The following LAMC2 variants were observed in gnomAD, a reference collection of about 807,000 sequenced individuals.
LAMC2 encodes laminin subunit gamma 2.
LAMC2 carries 97 observed loss-of-function variants against 140.2 expected under a neutral mutation model. The observed-to-expected ratio is 0.69, with a 90% confidence interval of 0.59 to 0.82. The LOEUF (loss-of-function observed/expected upper bound fraction) is 0.82, where lower values mean the gene tolerates loss of function less well. LAMC2 is among the 40% of genes least tolerant of loss of function. LAMC2 has a pLI of 0.00. For synonymous variants in LAMC2, 513 were observed against 540.2 expected (o/e 0.95, Z 0.70); for missense variants, 1,402 against 1,476.1 (o/e 0.95, Z 0.82).
chr1:183,256,309 T>C, the LAMC2 span, among the ~76,000 whole-genome samples: 3,244 of 152,080 alleles, frequency 0.021, 70 homozygotes, highest in Middle Eastern at 0.031. Flanking sequence ...CTTAGGAGGC[T>C]GAGGCAGGAG....
chr1:183,249,711 G>A, downstream of LAMC2: 1 of 153,942 alleles, frequency 6.5e-6, no homozygotes, highest in Non-Finnish European at 1.4e-5. Context: ...GTGTGTGTGT[G>A]TGTGTGTGTG....
intron 3 of LAMC2, among the ~76,000 whole-genome samples, chr1:183,217,764 G>A (rs1449813167): frequency 6.6e-6 from 1 of 152,210 alleles, no homozygotes; most frequent in Admixed American, 6.5e-5. Flanking sequence ...ATGTGGCAGG[G>A]TGGGGGACAC....
At chr1:183,200,856 G>A (rs1205669516) in intron 1 of LAMC2, among the ~76,000 whole-genome samples, 1 of 152,162 alleles carries the variant, frequency 6.6e-6, no homozygotes, top group Non-Finnish European at 1.5e-5. Flanking sequence ...AGCACCTTGA[G>A]GGTCAGCAAC....
rs531071517 is a variant in LAMC2, at chr1:183,207,253, T to C, written c.80-628T>C. Among the ~76,000 whole-genome samples the C allele has an allele frequency of 6.0e-4, 92 of 152,274 alleles. 1 individual carries two copies. Among genetic ancestry groups the C allele is most frequent in the Admixed American group, 2.4e-3 (36 of 15,292 alleles). ...CGCTTCTTTGCTGTTCGGGTCCTTA[T>C]GGAGATGTTAGTCACTTTGCGAGTC... is the stretch of plus-strand genomic sequence containing the variant. On this transcript the variant is annotated intron_variant, in intron 1 of 22. Coordinates refer to ENST00000264144, the MANE Select transcript of LAMC2 (RefSeq NM_005562.3).
the LAMC2 span, chr1:183,251,702 A>T: frequency 6.5e-6 from 1 of 152,816 alleles, no homozygotes; most frequent in African/African-American, 2.4e-5. Flanking sequence ...GGAAATGAGG[A>T]TGGACTGGCT....
chr1:183,250,061 G>A (rs1026314140), downstream of LAMC2: 1 of 152,144 alleles, frequency 6.6e-6, no homozygotes, highest in African/African-American at 2.4e-5. Context: ...AAGAAATCGA[G>A]CCTTCCTCAG....
In LAMC2 at chr1:183,218,159, A is replaced by T. The variant is rs557387893; in HGVS notation, c.405-231A>T. On this transcript the variant is annotated intron_variant, in intron 3 of 22. Coordinates refer to ENST00000264144, the MANE Select transcript of LAMC2 (RefSeq NM_005562.3). ...CCTGCTCTCTTTAGGAGTGGCAGAC[A>T]GTTCTCGGCCCAGCTGCTACCCACC... Among the ~76,000 whole-genome samples, 101 of 152,236 alleles carry T rather than the reference A, an allele frequency of 6.6e-4. 1 individual carries two copies. The highest frequency in any genetic ancestry group is 1.1e-3 in the Non-Finnish European group (73 of 68,036).
chr1:183,197,207 T>C (rs1426471609), intron 1 of LAMC2, among the ~76,000 whole-genome samples: 1 of 152,160 alleles, frequency 6.6e-6, no homozygotes, highest in Non-Finnish European at 1.5e-5. Flanking sequence ...ATGGACTTGA[T>C]TGGATTTGAG....
rs771320301 is a variant in LAMC2 at position 183,186,456 on chromosome 1, A to T, written c.79+25A>T. The stretch of plus-strand genomic sequence containing the variant: ...GGTGAGTCGGCTTCCACAAGGAAAC[A>T]TCTCAGCCCTGGGCTGAGAATCTGC... On this transcript the variant is annotated intron_variant, in intron 1 of 22. Transcript: ENST00000264144. 8 of 1,600,126 alleles carry T rather than the reference A, an allele frequency of 5.0e-6. No individual in the cohort carries two copies. The Admixed American group carries it at 1.3e-4, about 27-fold the overall frequency.
At chr1:183,252,641 C>T in the LAMC2 span, 1 of 1,610,952 alleles carries the variant, frequency 6.2e-7, no homozygotes, top group Admixed American at 1.7e-5. Context: ...CGAGGGGCTG[C>T]TAGCCGGAGG....
Position 183,207,902 on chromosome 1 carries a change from C to T in LAMC2, c.101C>T (p.Ser34Phe), listed in dbSNP as rs1473552188. ...CCAGTCTGTGATTGCAATGGGAAGT[C>T]CAGGCAGTGTATCTTTGATCGGGAA... is the stretch of plus-strand genomic sequence containing the variant. Reference protein sequence around the residue: ...RREVCDCNGKSRQCIFDRELH... With the variant: ...RREVCDCNGKFRQCIFDRELH... The change falls in exon 2 of 23, where the codon TCC (serine) becomes TTC (phenylalanine). Residue 34 changes from serine to phenylalanine, a missense_variant. Transcript: ENST00000264144. 1.4e-5 allele frequency: 23 copies of T among 1,608,834 alleles called. No individual in the cohort carries two copies. The highest frequency in any genetic ancestry group is 1.6e-4 in the Middle Eastern group (1 of 6,064).
At position 183,225,530 on chromosome 1, in the gene LAMC2, A is replaced by C. The variant is rs1221890153; in HGVS notation, c.954-78A>C. The C allele has an allele frequency of 1.1e-5, 11 of 1,008,780 alleles. No homozygotes were observed. The Middle Eastern group carries it at 8.3e-4, about 76-fold the overall frequency. The allele number at this position is 1,008,780 out of a possible 1,614,324, so 62.5% of individuals were successfully genotyped here. A position where few individuals can be genotyped will look rare whatever the true frequency, so the allele number is the denominator to read the frequency against. Reference sequence around the variant, plus strand: ...TGGGAAGGGGCTTAGCTGTTCCCGTATCCTCAGGCATAATTTATAACAGGT... The same window carrying C: ...TGGGAAGGGGCTTAGCTGTTCCCGTCTCCTCAGGCATAATTTATAACAGGT... On this transcript the variant is annotated intron_variant, in intron 7 of 22. Transcript: ENST00000264144.
chr1:183,199,055 C>T (rs1249946354), intron 1 of LAMC2, among the ~76,000 whole-genome samples: 1 of 148,764 alleles, frequency 6.7e-6, no homozygotes, highest in African/African-American at 2.5e-5. Flanking sequence ...GGCTTCTGGA[C>T]GTCAGGGAGA....
At chr1:183,188,554 T>C (rs556306064) in intron 1 of LAMC2, among the ~76,000 whole-genome samples, 24 of 152,384 alleles carry the variant, frequency 1.6e-4, no homozygotes, top group Non-Finnish European at 2.9e-4. Context: ...TTAGTAATAC[T>C]TGGTGTCTGC....
At chr1:183,256,291 C>T in the LAMC2 span, among the ~76,000 whole-genome samples, 3 of 151,942 alleles carry the variant, frequency 2.0e-5, no homozygotes, top group East Asian at 5.8e-4. Flanking sequence ...TGCCTGTAAT[C>T]CCAGCTACTT....
At chr1:183,255,852 C>G in the LAMC2 span, among the ~76,000 whole-genome samples, 1 of 151,834 alleles carries the variant, frequency 6.6e-6, no homozygotes, top group Non-Finnish European at 1.5e-5. Flanking sequence ...CTGTTAGAGA[C>G]AGGGTTTCAC....
At chr1:183,245,578 G>C (rs1660224924), downstream of LAMC2, among the ~76,000 whole-genome samples, 1 of 152,220 alleles carries the variant, frequency 6.6e-6, no homozygotes, top group Non-Finnish European at 1.5e-5. Flanking sequence ...CATGGAGGAA[G>C]GATACACAGG....
At chr1:183,219,402 A>G (rs1659397243) in intron 4 of LAMC2, among the ~76,000 whole-genome samples, 1 of 152,198 alleles carries the variant, frequency 6.6e-6, no homozygotes, top group African/African-American at 2.4e-5. Flanking sequence ...TGCCACATAA[A>G]AGAAATGTTA....
chr1:183,191,577 G>A (rs942188973), intron 1 of LAMC2, among the ~76,000 whole-genome samples: 1 of 151,600 alleles, frequency 6.6e-6, no homozygotes, highest in Non-Finnish European at 1.5e-5. Flanking sequence ...AGTGTAGAGG[G>A]CTGGGTGCGG....
Sources: gnomAD v4.1 joint callset for allele counts (sites outside exome capture counted in the v4.1 genomes callset) on GRCh38, gnomAD v4.1.1 for gene constraint, MANE v1.5 for transcripts, NCBI Gene and HGNC (gene_info 2026-07-23, HGNC 2026-07-21) for gene names.